Variants in ADGRL3 observed in about 807,000 individuals in gnomAD.
The protein encoded by ADGRL3 is calcium-independent alpha-latrotoxin receptor 3.
In ADGRL3, 62 loss-of-function variants were observed where a neutral mutation model predicts 153.5. That is an observed-to-expected ratio of 0.40 (90% confidence interval 0.33 to 0.50). The LOEUF is 0.50. ADGRL3 is among the 20% of genes least tolerant of loss of function. The pLI, the probability that ADGRL3 is intolerant of heterozygous loss-of-function variation, is 0.47. For synonymous variants in ADGRL3, 710 were observed against 672.5 expected, an observed-to-expected ratio of 1.06 and a Z score of -0.86; for missense variants, 1,641 against 1,859.4, an observed-to-expected ratio of 0.88 and a Z score of 2.16.
chr4:62,018,005 T>G (rs2099220875), intron 21 of ADGRL3, among the ~76,000 whole-genome samples: 1 of 152,066 alleles, frequency 6.6e-6, no homozygotes, highest in African/African-American at 2.4e-5. Context: ...AGTAGAGCAT[T>G]TTAATGCTAA....
chr4:61,881,295 A>G (rs560228084), intron 9 of ADGRL3, among the ~76,000 whole-genome samples: 1 of 152,336 alleles, frequency 6.6e-6, no homozygotes, highest in East Asian at 1.9e-4. Context: ...GCATTCTTAA[A>G]AAGAAAAATA....
intron 9 of ADGRL3, among the ~76,000 whole-genome samples, chr4:61,842,278 T>C (rs2098044163): frequency 6.6e-6 from 1 of 152,178 alleles, no homozygotes; most frequent in South Asian, 2.1e-4. Context: ...AATTTTTCCT[T>C]ACACACCTTC....
chr4:61,837,712 A>T (rs1233658562), intron 9 of ADGRL3, among the ~76,000 whole-genome samples: 1 of 152,078 alleles, frequency 6.6e-6, no homozygotes, highest in Non-Finnish European at 1.5e-5. Flanking sequence ...AGATTCTCAA[A>T]GGTTTTGAGC....
chr4:61,470,940 T>C (rs2097944042), intron 2 of ADGRL3, among the ~76,000 whole-genome samples: 1 of 151,938 alleles, frequency 6.6e-6, no homozygotes, highest in African/African-American at 2.4e-5. Context: ...GCAAAGAATA[T>C]ATTTTAGAAC....
chr4:61,751,894 CA>C (rs1176086189), intron 8 of ADGRL3, among the ~76,000 whole-genome samples: 9 of 152,080 alleles, frequency 5.9e-5, no homozygotes, highest in African/African-American at 1.9e-4. Flanking sequence ...AAGAGAAATA[CA>C]TTTTTTATTT....
intron 17 of ADGRL3, among the ~76,000 whole-genome samples, chr4:61,968,588 A>C (rs573230771): frequency 7.0e-4 from 106 of 152,290 alleles, no homozygotes; most frequent in African/African-American, 2.5e-3. Flanking sequence ...CATATGTCTC[A>C]AAGCACATAT....
At chr4:61,959,431 A>G (rs1349971273) in intron 17 of ADGRL3, among the ~76,000 whole-genome samples, 1 of 152,090 alleles carries the variant, frequency 6.6e-6, no homozygotes, top group African/African-American at 2.4e-5. Context: ...CACTTTCTTT[A>G]GTTTGATGAT....
rs77101784 is a variant in ADGRL3 at position 62,026,532 on chromosome 4, T to C, written c.3396-2323T>C. Among the ~76,000 whole-genome samples, 11 of 152,250 alleles carry C rather than the reference T, an allele frequency of 7.2e-5. No homozygotes were observed. In the East Asian group the frequency reaches 9.6e-4, roughly 13 times the overall value. ...CTGCTGAATTGCACCCTGATATCTCTATTTTTTGATATTTCATATTAAAAA... is the reference window on the plus strand; with the variant it reads ...CTGCTGAATTGCACCCTGATATCTCCATTTTTTGATATTTCATATTAAAAA... On this transcript the variant is annotated intron_variant, in intron 21 of 26. Transcript: ENST00000683033.
chr4:61,383,336 T>C (rs987505820), intron 2 of ADGRL3, 147 bp downstream of exon 2: 3 of 151,786 alleles, frequency 2.0e-5, no homozygotes, highest in Non-Finnish European at 3.0e-5. Flanking sequence ...ATTTTACATA[T>C]TTTTGGAAAA....
intron 1 of ADGRL3, among the ~76,000 whole-genome samples, chr4:61,235,431 A>G (rs978479040): frequency 1.3e-5 from 2 of 152,212 alleles, no homozygotes; most frequent in Non-Finnish European, 2.9e-5. Flanking sequence ...TAATGTTTAT[A>G]GTTCAGAATG....
intron 1 of ADGRL3, among the ~76,000 whole-genome samples, chr4:61,276,413 G>A (rs1232335422): frequency 6.6e-6 from 1 of 152,116 alleles, no homozygotes; most frequent in Non-Finnish European, 1.5e-5. Context: ...TAAACTTAAA[G>A]GAACAGCATT....
At chr4:61,743,838 T>C (rs888024348) in intron 8 of ADGRL3, among the ~76,000 whole-genome samples, 8 of 152,280 alleles carry the variant, frequency 5.3e-5, no homozygotes, top group Non-Finnish European at 1.0e-4. Context: ...TTCATCTCAC[T>C]AGGGAGTGCC....
At position 61,645,352 on chromosome 4, in the gene ADGRL3, C is replaced by T. The variant is rs368723227; in HGVS notation, c.474-31474C>T. On this transcript the variant is annotated intron_variant, in intron 5 of 26. Transcript: ENST00000683033. The stretch of plus-strand genomic sequence containing the variant: ...TATGATGTTAGCTGGTGATTTTGCT[C>T]GTTAGTTGATGCAGTTTCTTCCTAG... Among the ~76,000 whole-genome samples the T allele has an allele frequency of 3.2e-4, 49 of 150,864 alleles. No individual in the cohort carries two copies. The East Asian group carries it at 7.9e-3, about 24-fold the overall frequency.
intron 9 of ADGRL3, among the ~76,000 whole-genome samples, chr4:61,829,306 T>C (rs1162873114): frequency 6.6e-6 from 1 of 152,212 alleles, no homozygotes; most frequent in African/African-American, 2.4e-5. Flanking sequence ...TCCATTCGTG[T>C]AACTTTTGCT....
At chr4:61,226,644 G>T (rs980616098) in intron 1 of ADGRL3, among the ~76,000 whole-genome samples, 1 of 152,062 alleles carries the variant, frequency 6.6e-6, no homozygotes, top group Non-Finnish European at 1.5e-5. Flanking sequence ...CTGTTTATTT[G>T]CCTTATTGTA....
chr4:61,327,618 A>G (rs189070722), intron 1 of ADGRL3, among the ~76,000 whole-genome samples: 13 of 152,176 alleles, frequency 8.5e-5, no homozygotes, highest in Admixed American at 8.5e-4. Context: ...TACAGGTGGC[A>G]GTTGAAATTC....
chr4:61,359,784 C>T (rs2096254049), intron 1 of ADGRL3, among the ~76,000 whole-genome samples: 1 of 152,092 alleles, frequency 6.6e-6, no homozygotes, highest in Admixed American at 6.5e-5. Context: ...TTGTTCATTG[C>T]TTTATTCCCA....
intron 6 of ADGRL3, among the ~76,000 whole-genome samples, chr4:61,711,457 ATTAT>A (rs1243133327): frequency 9.1e-4 from 40 of 43,866 alleles, no homozygotes; most frequent in African/African-American, 2.8e-3. Flanking sequence ...CATATGCTTC[ATTAT>A]ATATATATAT....
intron 25 of ADGRL3, among the ~76,000 whole-genome samples, chr4:62,050,869 G>A (rs1184869979): frequency 6.6e-6 from 1 of 151,634 alleles, no homozygotes; most frequent in Non-Finnish European, 1.5e-5. Context: ...AATAATGTTA[G>A]CTATGCAAGT....
Sources: allele counts gnomAD v4.1 joint callset (sites outside exome capture counted in the v4.1 genomes callset), GRCh38; gene constraint gnomAD v4.1.1; transcripts MANE v1.5; gene names NCBI Gene and HGNC (gene_info 2026-07-23, HGNC 2026-07-21).